The following ZNF609 variants were observed in gnomAD, a reference collection of about 807,000 sequenced individuals.
The protein encoded by ZNF609 is zinc finger protein 609.
ZNF609 carries 11 observed loss-of-function variants against 109.5 expected under a neutral mutation model. That is an observed-to-expected ratio of 0.10 (90% CI 0.06 to 0.17). ZNF609 has a LOEUF of 0.17. Ranked by LOEUF, ZNF609 falls within the 10% of genes least tolerant of loss-of-function variation. The pLI is 1.00. For missense variants in ZNF609, 1,559 were observed against 1,772.4 expected (o/e 0.88, Z 2.16); for synonymous variants, 646 against 662.0 (o/e 0.98, Z 0.37).
chr15:64,545,651 C>T (rs530728389), intron 2 of ZNF609, among the ~76,000 whole-genome samples: 47 of 152,266 alleles, frequency 3.1e-4, no homozygotes, highest in African/African-American at 1.1e-3. Context: ...CCCCAAGTTC[C>T]TTTGTGTCCC....
chr15:64,465,508 A>G (rs1288890973), intron 1 of ZNF609, among the ~76,000 whole-genome samples: 3 of 151,842 alleles, frequency 2.0e-5, no homozygotes, highest in South Asian at 4.2e-4. Context: ...AGCCTCCTGA[A>G]TGGCTGGGTC....
At chr15:64,505,587 A>T (rs1893624525) in intron 2 of ZNF609, among the ~76,000 whole-genome samples, 1 of 152,218 alleles carries the variant, frequency 6.6e-6, no homozygotes, top group South Asian at 2.1e-4. Context: ...CGTCTACAGC[A>T]GAGTTCCTAA....
intron 1 of ZNF609, among the ~76,000 whole-genome samples, chr15:64,494,713 A>G (rs1423942740): frequency 6.6e-6 from 1 of 151,920 alleles, no homozygotes; most frequent in Non-Finnish European, 1.5e-5. Flanking sequence ...TTTAGTACAG[A>G]CGGGGTTTCA....
rs938181384 is a variant in ZNF609 at position 64,473,514 on chromosome 15, T to C, written c.-128+12676T>C. Among the ~76,000 whole-genome samples the C allele has an allele frequency of 4.6e-5, 7 of 151,860 alleles. No individual in the cohort carries two copies. The South Asian group carries it at 1.2e-3, about 27-fold the overall frequency. On this transcript the variant is annotated intron_variant, in intron 1 of 9. Coordinates refer to ENST00000326648, the MANE Select transcript of ZNF609 (RefSeq NM_015042.2). ...GCCTGGCCTCATATTTGGTTCTTTTTTTCGTCCTCACCACCTCATCTGAAT... is the reference window on the plus strand; with the variant it reads ...GCCTGGCCTCATATTTGGTTCTTTTCTTCGTCCTCACCACCTCATCTGAAT...
At chr15:64,632,964 T>G (rs992895919) in intron 3 of ZNF609, among the ~76,000 whole-genome samples, 2 of 151,644 alleles carry the variant, frequency 1.3e-5, no homozygotes, top group East Asian at 1.9e-4. Flanking sequence ...ATTTTTTTTT[T>G]GTAGAGATGG....
In ZNF609 at chr15:64,600,455, A is replaced by G. The variant is rs577078998; in HGVS notation, c.748-22372A>G. On this transcript the variant is annotated intron_variant, in intron 2 of 9. Coordinates refer to ENST00000326648, the MANE Select transcript of ZNF609 (RefSeq NM_015042.2). ...ACAGTGCGAGGCTGTGTCTCAAAAA[A>G]AAAAAAAAAAAGAAAAAAAAAAACA... Among the ~76,000 whole-genome samples, 169 of 144,004 alleles carry G rather than the reference A, an allele frequency of 1.2e-3. 2 individuals carry two copies. The highest frequency in any genetic ancestry group is 4.0e-3 in the African/African-American group (153 of 37,868). 94.5% of individuals were successfully genotyped at this position (144,004 alleles called of 152,430 possible).
At chr15:64,497,169 TTCATAGTTTGTACA>T (rs1159670066) in intron 1 of ZNF609, among the ~76,000 whole-genome samples, 1 of 152,206 alleles carries the variant, frequency 6.6e-6, no homozygotes, top group Non-Finnish European at 1.5e-5. Flanking sequence ...AGTAACTTTT[TTCATAGTTTGTACA>T]TCATATCATC....
chr15:64,554,712 T>C (rs1364191533), intron 2 of ZNF609, among the ~76,000 whole-genome samples: 1 of 152,168 alleles, frequency 6.6e-6, no homozygotes, highest in Non-Finnish European at 1.5e-5. Flanking sequence ...ATTTCAGGTG[T>C]TCAAACAAAT....
At chr15:64,528,563 G>A in intron 2 of ZNF609, 2 of 593,674 alleles carry the variant, frequency 3.4e-6, no homozygotes, top group Non-Finnish European at 6.1e-6. Context: ...ACTGTGAGGA[G>A]GGGAGATTCA....
intron 2 of ZNF609, among the ~76,000 whole-genome samples, chr15:64,591,695 A>G (rs961444605): frequency 1.1e-4 from 16 of 151,634 alleles, no homozygotes; most frequent in Non-Finnish European, 1.8e-4. Context: ...CCTAGGCAAC[A>G]TGGTGAGGTC....
At chr15:64,587,510 G>A (rs915773966) in intron 2 of ZNF609, among the ~76,000 whole-genome samples, 2 of 152,276 alleles carry the variant, frequency 1.3e-5, no homozygotes, top group Middle Eastern at 3.4e-3. Context: ...CTGGAAAATT[G>A]TGGTGTATTT....
chr15:64,669,302 T>C (rs1357246110), intron 3 of ZNF609, among the ~76,000 whole-genome samples: 1 of 152,198 alleles, frequency 6.6e-6, no homozygotes, highest in Non-Finnish European at 1.5e-5. Flanking sequence ...TAGCAGAAGA[T>C]TGAAACAACC....
intron 3 of ZNF609, among the ~76,000 whole-genome samples, chr15:64,635,800 G>A (rs1479261730): frequency 6.6e-6 from 1 of 152,194 alleles, no homozygotes; most frequent in Non-Finnish European, 1.5e-5. Flanking sequence ...TTGCTACTGA[G>A]GCTGCTGCTG....
chr15:64,637,544 C>G (rs981165630), intron 3 of ZNF609, among the ~76,000 whole-genome samples: 3 of 152,170 alleles, frequency 2.0e-5, no homozygotes, highest in African/African-American at 2.4e-5. Flanking sequence ...CTAGCCAACA[C>G]TTGACCTTAT....
chr15:64,541,990 A>T (rs1220609710), intron 2 of ZNF609, among the ~76,000 whole-genome samples: 2 of 151,874 alleles, frequency 1.3e-5, no homozygotes, highest in Non-Finnish European at 2.9e-5. Flanking sequence ...TTCCCTTTAA[A>T]AAATAGGTTG....
intron 3 of ZNF609, among the ~76,000 whole-genome samples, chr15:64,647,204 T>C (rs766645918): frequency 1.0e-4 from 15 of 150,706 alleles, no homozygotes; most frequent in Admixed American, 9.3e-4. Flanking sequence ...TTAAGTGAAA[T>C]AAGCCAGTCA....
chr15:64,629,973 C>A (rs536925667), intron 3 of ZNF609, among the ~76,000 whole-genome samples: 1 of 152,204 alleles, frequency 6.6e-6, no homozygotes, highest in South Asian at 2.1e-4. Context: ...TCAACAGAAA[C>A]TGATTTATTA....
At position 64,603,059 on chromosome 15, in the gene ZNF609, C is replaced by T. The variant is rs116032186; in HGVS notation, c.748-19768C>T. On this transcript the variant is annotated intron_variant, in intron 2 of 9. Coordinates refer to ENST00000326648, the MANE Select transcript of ZNF609 (RefSeq NM_015042.2). ...CGTGCCCGGCACTGCCCTGACTTTTCTTCTGAGTTCCCATCCTTTGCATCC... is the reference window on the plus strand; with the variant it reads ...CGTGCCCGGCACTGCCCTGACTTTTTTTCTGAGTTCCCATCCTTTGCATCC... Among the ~76,000 whole-genome samples, 496 of 151,958 alleles carry T rather than the reference C, an allele frequency of 3.3e-3. 2 individuals carry two copies. The highest frequency in any genetic ancestry group is 0.011 in the African/African-American group (474 of 41,466).
intron 3 of ZNF609, among the ~76,000 whole-genome samples, chr15:64,650,834 G>A (rs1050590545): frequency 6.6e-6 from 1 of 150,552 alleles, no homozygotes; most frequent in Non-Finnish European, 1.5e-5. Flanking sequence ...GACTAGAATA[G>A]CTAATGCGAT....
Sources: gnomAD v4.1 joint callset for allele counts (sites outside exome capture counted in the v4.1 genomes callset) on GRCh38, gnomAD v4.1.1 for gene constraint, MANE v1.5 for transcripts, NCBI Gene and HGNC (gene_info 2026-07-23, HGNC 2026-07-21) for gene names.